LMTK2: variants seen among roughly 807,000 people sequenced by gnomAD.
LMTK2 encodes the protein serine/threonine-protein kinase LMTK2.
Under a neutral mutation model 127.5 loss-of-function variants are expected in LMTK2, and 37 were observed. The ratio of observed to expected loss-of-function variants is 0.29; its 90% CI spans 0.22 to 0.38. The LOEUF (loss-of-function observed/expected upper bound fraction) is 0.38. Ranked by LOEUF, LMTK2 falls within the 10% of genes least tolerant of loss-of-function variation. LMTK2 has a pLI of 1.00. For synonymous variants in LMTK2, 819 were observed against 810.1 expected, an observed-to-expected ratio of 1.01 and a Z score of -0.19; for missense variants, 1,694 against 1,920.3, an observed-to-expected ratio of 0.88 and a Z score of 2.20.
chr7:98,120,132 A>G (rs1330141967), intron 1 of LMTK2, among the ~76,000 whole-genome samples: 1 of 152,244 alleles, frequency 6.6e-6, no homozygotes, highest in Non-Finnish European at 1.5e-5. Context: ...AGGCTCTTGT[A>G]TTAGTACAGA....
In LMTK2 at chr7:98,203,591, G is replaced by T; in HGVS notation, c.4125G>T (p.Glu1375Asp). Residue 1375 changes from glutamate (E) to aspartate (D), a missense_variant, in exon 12 of 14, where the codon GAG becomes GAT. Coordinates refer to ENST00000297293, the MANE Select transcript of LMTK2 (RefSeq NM_014916.4). ...CTTTTCAGGAGACCCCAACCAAAGA[G>T]CTGGGGCCCTGTGGAGGAGAGGCGT... ...YLFDQETPTKELGPCGGEACG... is the reference protein window; with the variant it reads ...YLFDQETPTKDLGPCGGEACG... 1 of 1,598,064 alleles carries T rather than the reference G, an allele frequency of 6.3e-7. No individual in the cohort carries two copies.
At chr7:98,189,198 G>A (rs755894969) in intron 9 of LMTK2, among the ~76,000 whole-genome samples, 21 of 152,194 alleles carry the variant, frequency 1.4e-4, no homozygotes, top group Non-Finnish European at 2.2e-4. Flanking sequence ...ACGGTGAGCA[G>A]TGTGAGGATG....
intron 1 of LMTK2, among the ~76,000 whole-genome samples, chr7:98,110,022 A>T (rs776137969): frequency 9.2e-5 from 14 of 152,092 alleles, no homozygotes; most frequent in Non-Finnish European, 1.6e-4. Context: ...AGGAGCCTGC[A>T]CTCCTTGTGA....
intron 1 of LMTK2, among the ~76,000 whole-genome samples, chr7:98,125,805 G>A (rs1023394060): frequency 2.6e-5 from 4 of 152,158 alleles, no homozygotes; most frequent in African/African-American, 7.2e-5. Context: ...ACTTAGTTTC[G>A]AAGATGGTAC....
At chr7:98,112,544 C>T (rs1796217244) in intron 1 of LMTK2, among the ~76,000 whole-genome samples, 1 of 152,170 alleles carries the variant, frequency 6.6e-6, no homozygotes, top group South Asian at 2.1e-4. Flanking sequence ...CTGCAGGTGG[C>T]TGGTGGCTAC....
Position 98,194,263 on chromosome 7 carries a change from G to T in LMTK2, c.3798G>T (p.Leu1266=). 6.2e-7 allele frequency: 1 copy of T among 1,614,166 alleles called. No individual in the cohort carries two copies. The change falls in exon 11 of 14, where the codon CTG becomes CTT. Residue 1266 remains leucine (L), a synonymous_variant. Coordinates refer to ENST00000297293, the MANE Select transcript of LMTK2 (RefSeq NM_014916.4). This position sits in a 1 kb window ranked among gnomAD's most constrained non-coding sequence, Gnocchi z 5.4. ...AGCCGGACATCGAAGGGAAGTACCT[G>T]GGGAAACTCGGGGTGTCAGGGATGC... ...LKEPDIEGKY[L]GKLGVSGMLD...
intron 3 of LMTK2, among the ~76,000 whole-genome samples, chr7:98,148,600 C>T (rs1796806575): frequency 1.3e-5 from 2 of 151,960 alleles, no homozygotes; most frequent in Admixed American, 1.3e-4. Context: ...TCCGTTTGTT[C>T]ATTTTTACCT....
chr7:98,161,412 G>T (rs1797014543), intron 6 of LMTK2, among the ~76,000 whole-genome samples: 3 of 152,130 alleles, frequency 2.0e-5, no homozygotes. Context: ...CATATTCTCT[G>T]CCATTGTGGA....
chr7:98,150,551 A>G (rs1328676373), intron 3 of LMTK2, among the ~76,000 whole-genome samples: 1 of 152,184 alleles, frequency 6.6e-6, no homozygotes, highest in African/African-American at 2.4e-5. Flanking sequence ...AAAGATTTGC[A>G]TGCATGTATT....
rs1291773145 is a variant in LMTK2 at position 98,191,858 on chromosome 7, G to A, written c.1393G>A (p.Val465Met). 2 of 1,614,176 alleles carry A rather than the reference G, an allele frequency of 1.2e-6. No individual in the cohort carries two copies. Among genetic ancestry groups the A allele is most frequent in the Non-Finnish European group, 1.7e-6 (2 of 1,180,028 alleles). Residue 465 changes from valine to methionine, a missense_variant, in exon 11 of 14, where the codon GTG becomes ATG. Transcript: ENST00000297293. ...TCGTGAAATGGAGGAAGTCCTCACC[G>A]TGACCGAAACCAGCCAGGGCCTGAG... Reference protein sequence around the residue: ...LGREMEEVLTVTETSQGLSFE... With the variant: ...LGREMEEVLTMTETSQGLSFE...
Position 98,205,705 on chromosome 7 carries a change from G to A in LMTK2, c.*213G>A, listed in dbSNP as rs369721658. On this transcript the variant is annotated 3_prime_UTR_variant, in exon 14 of 14. Coordinates refer to ENST00000297293, the MANE Select transcript of LMTK2 (RefSeq NM_014916.4). ...AGCGAGGCCGTGTCCAGGAGCCGGC[G>A]TCCCTCAGTGCCCCGTGCACCCGCG... The A allele has an allele frequency of 3.0e-5, 18 of 606,600 alleles. No homozygotes were observed. The highest frequency in any genetic ancestry group is 2.4e-4 in the African/African-American group (13 of 53,936). The allele number at this position is 606,600 out of a possible 1,614,324, so 37.6% of individuals were successfully genotyped here.
chr7:98,122,373 G>T (rs1056569830), intron 1 of LMTK2, among the ~76,000 whole-genome samples: 1 of 152,094 alleles, frequency 6.6e-6, no homozygotes, highest in Non-Finnish European at 1.5e-5. Context: ...TCCAACCCTG[G>T]ATGGTTTTAG....
At chr7:98,167,789 C>T (rs989317997) in intron 6 of LMTK2, among the ~76,000 whole-genome samples, 2 of 152,240 alleles carry the variant, frequency 1.3e-5, no homozygotes, top group African/African-American at 4.8e-5. Flanking sequence ...GGAGCGCCCC[C>T]AGGACTGAGG....
intron 7 of LMTK2, among the ~76,000 whole-genome samples, chr7:98,173,028 G>C (rs1797216976): frequency 6.6e-6 from 1 of 152,212 alleles, no homozygotes; most frequent in South Asian, 2.1e-4. Context: ...GAAGTGCCAG[G>C]ATTACAGGTG....
intron 7 of LMTK2, among the ~76,000 whole-genome samples, chr7:98,181,338 C>T (rs1383870664): frequency 1.3e-5 from 2 of 152,204 alleles, no homozygotes; most frequent in African/African-American, 2.4e-5. Context: ...AATAGTGGTG[C>T]AATCATAGCC....
chr7:98,181,661 C>T (rs1263253245), intron 7 of LMTK2, among the ~76,000 whole-genome samples: 1 of 152,144 alleles, frequency 6.6e-6, no homozygotes, highest in South Asian at 2.1e-4. Flanking sequence ...TGATTTTTTT[C>T]TTTTTTCTTT....
At chr7:98,155,167 A>G (rs574026023) in intron 5 of LMTK2, among the ~76,000 whole-genome samples, 4 of 152,340 alleles carry the variant, frequency 2.6e-5, no homozygotes, top group African/African-American at 7.2e-5. Context: ...TTTGTGAGCA[A>G]TTGCATCACG....
rs141877503 is a variant in LMTK2 at position 98,192,938 on chromosome 7, A to G, written c.2473A>G (p.Thr825Ala). The change falls in exon 11 of 14, where the codon ACG (threonine) becomes GCG (alanine). Residue 825 changes from threonine (T) to alanine (A), a missense_variant. By Grantham distance (58) the Thr-to-Ala change is moderately conservative. Coordinates refer to ENST00000297293, the MANE Select transcript of LMTK2 (RefSeq NM_014916.4). ...VPPTSFETEETPRRVPPDSLP... is the reference protein window; with the variant it reads ...VPPTSFETEEAPRRVPPDSLP... ...TCCTACCTCCTTCGAAACAGAAGAA[A>G]CGCCCCGTCGGGTACCCCCAGACTC... The G allele has an allele frequency of 1.2e-5, 19 of 1,614,036 alleles. No individual in the cohort carries two copies. The highest frequency in any genetic ancestry group is 1.5e-5 in the Non-Finnish European group (18 of 1,180,024).
chr7:98,117,554 C>A (rs903651788), intron 1 of LMTK2, among the ~76,000 whole-genome samples: 2 of 151,946 alleles, frequency 1.3e-5, no homozygotes, highest in African/African-American at 2.4e-5. Flanking sequence ...TTAAGCATTT[C>A]CTTATTTTCT....
Sources: allele counts gnomAD v4.1 joint callset (sites outside exome capture counted in the v4.1 genomes callset), GRCh38; gene constraint gnomAD v4.1.1; non-coding constraint Gnocchi (gnomAD v3.1); transcripts MANE v1.5; gene names NCBI Gene and HGNC (gene_info 2026-07-23, HGNC 2026-07-21).